Variants in ASB15 observed in about 807,000 individuals in gnomAD.
ASB15 encodes ankyrin repeat and SOCS box protein 15.
In ASB15, 54 loss-of-function variants were observed where a neutral mutation model predicts 58.0. That is an observed-to-expected ratio of 0.93 (90% CI 0.75 to 1.17). ASB15 has a LOEUF of 1.17. Ranked by LOEUF, ASB15 falls within the 50% of genes most tolerant of loss-of-function variation. The pLI, the probability that ASB15 is intolerant of heterozygous loss-of-function variation, is 0.00. For synonymous variants in ASB15, 249 were observed against 262.4 expected, an observed-to-expected ratio of 0.95 and a Z score of 0.50; for missense variants, 680 against 707.4, an observed-to-expected ratio of 0.96 and a Z score of 0.44.
intron 1 of ASB15, among the ~76,000 whole-genome samples, chr7:123,574,171 A>G (rs1284127595): frequency 1.3e-5 from 2 of 151,138 alleles, no homozygotes; most frequent in African/African-American, 2.4e-5. Flanking sequence ...CTTTTTTTAT[A>G]TAAAATTGAT....
chr7:123,618,638 A>T (rs1800986647), intron 7 of ASB15, among the ~76,000 whole-genome samples: 1 of 152,086 alleles, frequency 6.6e-6, no homozygotes, highest in Non-Finnish European at 1.5e-5. Context: ...GAGCAGGAGG[A>T]GAGGGAGGAA....
intron 7 of ASB15, among the ~76,000 whole-genome samples, chr7:123,620,503 CATACATATAT>C (rs1209618819): frequency 0.013 from 689 of 53,040 alleles, 12 homozygotes; most frequent in Middle Eastern, 0.034. Flanking sequence ...GACACATATA[CATACATATAT>C]ATATATATAT....
intron 9 of ASB15, among the ~76,000 whole-genome samples, chr7:123,627,906 T>C (rs1302700887): frequency 6.6e-6 from 1 of 152,246 alleles, no homozygotes; most frequent in Non-Finnish European, 1.5e-5. Flanking sequence ...TCAAAAACTT[T>C]GAAGTAATCG....
At position 123,623,636 on chromosome 7, in the gene ASB15, C is replaced by T. The variant is rs142280057; in HGVS notation, c.452-933C>T. Reference sequence around the variant, plus strand: ...ATCCAAGCACTTTAGGAGGCCAAGGCGGGCAGATCACGAGGTCAGGAGTTT... The same window carrying T: ...ATCCAAGCACTTTAGGAGGCCAAGGTGGGCAGATCACGAGGTCAGGAGTTT... On this transcript the variant is annotated intron_variant, in intron 7 of 11. Transcript: ENST00000451215. 8.3e-3 allele frequency among the ~76,000 whole-genome samples: 1,258 copies of T among 151,958 alleles called. 17 individuals are homozygous for T. Among genetic ancestry groups the T allele is most frequent in the African/African-American group, 0.028 (1,174 of 41,420 alleles).
At chr7:123,631,265 AGTT>A (rs1395791413) in intron 11 of ASB15, among the ~76,000 whole-genome samples, 3 of 152,182 alleles carry the variant, frequency 2.0e-5, no homozygotes, top group East Asian at 1.9e-4. Flanking sequence ...AACCTCATAA[AGTT>A]GTTGTGGGAA....
upstream of ASB15, among the ~76,000 whole-genome samples, chr7:123,601,641 A>G (rs1799888484): frequency 6.6e-6 from 1 of 152,178 alleles, no homozygotes; most frequent in African/African-American, 2.4e-5. Flanking sequence ...TTGTTTTCAT[A>G]AGAGTTCTTT....
chr7:123,604,782 G>A (rs974462703), intron 2 of ASB15, among the ~76,000 whole-genome samples: 5 of 152,012 alleles, frequency 3.3e-5, no homozygotes, highest in African/African-American at 1.2e-4. Context: ...AATAAAATGG[G>A]GGTGTCAGGG....
At position 123,627,095 on chromosome 7, in the gene ASB15, GT is replaced by G; in HGVS notation, c.698-11del. ...TACCATCCAGTTATCATTATGCCAC[GT>G]TTTATACTGCCAGGTGGTGATGTGC... On this transcript the variant is annotated splice_polypyrimidine_tract_variant and intron_variant, in intron 8 of 11. Transcript: ENST00000451215. 1 of 1,608,292 alleles carries G rather than the reference GT, an allele frequency of 6.2e-7. No individual in the cohort carries two copies. Among genetic ancestry groups the G allele is most frequent in the African/African-American group, 1.3e-5 (1 of 74,938 alleles).
chr7:123,638,882 C>G lies in ASB15; in HGVS notation c.*1901C>G, dbSNP rs954146019. On this transcript the variant is annotated 3_prime_UTR_variant, in exon 12 of 12. Transcript: ENST00000451215. ...TGCTGTCTTCCCACTAGACTATAAG[C>G]TCTATGAGGGTAGGTTCTATGTTTG... 1 of 152,166 alleles carries G rather than the reference C, an allele frequency of 6.6e-6. No individual in the cohort carries two copies. Among genetic ancestry groups the G allele is most frequent in the Non-Finnish European group, 1.5e-5 (1 of 68,052 alleles). 9.4% of individuals were successfully genotyped at this position (152,166 alleles called of 1,614,324 possible).
chr7:123,629,897 A>G (rs1359858001), intron 10 of ASB15, 69 bp from the exon 11 acceptor site: 1 of 1,086,866 alleles, frequency 9.2e-7, no homozygotes, highest in Non-Finnish European at 1.3e-6. Flanking sequence ...ATTTTTCCAT[A>G]ACACAATTGA....
intron 1 of ASB15, among the ~76,000 whole-genome samples, chr7:123,585,582 T>C (rs1022076838): frequency 6.6e-6 from 1 of 151,688 alleles, no homozygotes; most frequent in Admixed American, 6.6e-5. Flanking sequence ...CATTGTGAAA[T>C]GATTACCACA....
At chr7:123,636,710 T>C in intron 11 of ASB15, 99 bp from the exon 12 acceptor site, 2 of 1,037,696 alleles carry the variant, frequency 1.9e-6, no homozygotes, top group South Asian at 3.2e-5. Flanking sequence ...ATACATGTTT[T>C]TGAGAATACA....
chr7:123,570,306 G>A (rs1378643692), intron 1 of ASB15, among the ~76,000 whole-genome samples: 2 of 151,994 alleles, frequency 1.3e-5, no homozygotes, highest in African/African-American at 2.4e-5. Context: ...AAAGTGCTGG[G>A]ATTACAGGCG....
rs1389742786 is a variant in ASB15, at chr7:123,638,472, C to T, written c.*1491C>T. On this transcript the variant is annotated 3_prime_UTR_variant, in exon 12 of 12. Coordinates refer to ENST00000451215, the MANE Select transcript of ASB15 (RefSeq NM_001290258.2). ...AAAAAATACCATCTACTATCACCAT[C>T]ATTTCATAAAAGAGGGGTCATTTTA... 1.3e-5 allele frequency: 2 copies of T among 152,142 alleles called. No individual in the cohort carries two copies. Among genetic ancestry groups the T allele is most frequent in the Non-Finnish European group, 2.9e-5 (2 of 68,026 alleles). The allele number at this position is 152,142 out of a possible 1,614,324, so 9.4% of individuals were successfully genotyped here. A position where few individuals can be genotyped will look rare whatever the true frequency, so the allele number is the denominator to read the frequency against.
In ASB15 at chr7:123,569,894, C is replaced by T. The variant is rs1030511665; in HGVS notation, c.-443+2806C>T. 5.3e-5 allele frequency among the ~76,000 whole-genome samples: 8 copies of T among 152,094 alleles called. No individual in the cohort carries two copies. In the East Asian group the frequency reaches 5.8e-4, roughly 11 times the overall value. On this transcript the variant is annotated intron_variant, in intron 1 of 13. Transcript: ENST00000451558. ...TGAATGTGATAAGAATGCCTTTGTA[C>T]GGATGACTTAGACAATTAGAAGTTA... is the stretch of plus-strand genomic sequence containing the variant.
At chr7:123,620,698 G>T (rs1166317259) in intron 7 of ASB15, among the ~76,000 whole-genome samples, 59 of 145,710 alleles carry the variant, frequency 4.0e-4, no homozygotes, top group African/African-American at 1.4e-3. Flanking sequence ...GAGTAGCTGG[G>T]ACTACAGGCG....
At chr7:123,594,774 T>A (rs1166328660) in intron 1 of ASB15, among the ~76,000 whole-genome samples, 1 of 152,200 alleles carries the variant, frequency 6.6e-6, no homozygotes, top group Non-Finnish European at 1.5e-5. Context: ...CTGTCCATTA[T>A]TGGATCTCAA....
intron 1 of ASB15, among the ~76,000 whole-genome samples, chr7:123,569,189 C>T (rs777989135): frequency 1.3e-5 from 2 of 151,976 alleles, no homozygotes; most frequent in African/African-American, 2.4e-5. Flanking sequence ...TCATTTTGTC[C>T]GGTGGTCATG....
chr7:123,595,755 C>G (rs1584746616), intron 1 of ASB15, among the ~76,000 whole-genome samples: 1 of 152,142 alleles, frequency 6.6e-6, no homozygotes, highest in Admixed American at 6.5e-5. Context: ...TTTGTAAATG[C>G]TCTTTAGCTA....
Sources: allele counts gnomAD v4.1 joint callset (sites outside exome capture counted in the v4.1 genomes callset), GRCh38; gene constraint gnomAD v4.1.1; transcripts MANE v1.5; gene names NCBI Gene and HGNC (gene_info 2026-07-23, HGNC 2026-07-21).